Variants in RBL2 observed in about 807,000 individuals in gnomAD.
RBL2 encodes the protein RB transcriptional corepressor like 2.
Under a neutral mutation model 126.0 loss-of-function variants are expected in RBL2, and 56 were observed. That is an observed-to-expected ratio of 0.44 (90% confidence interval 0.36 to 0.56). The LOEUF is 0.56. Ranked by LOEUF, RBL2 falls within the 20% of genes least tolerant of loss-of-function variation. RBL2 has a pLI of 0.00. For synonymous variants in RBL2, 454 were observed against 478.5 expected, an observed-to-expected ratio of 0.95 and a Z score of 0.67; for missense variants, 1,229 against 1,398.2, an observed-to-expected ratio of 0.88 and a Z score of 1.93.
chr16:53,447,998 GTTATA>G (rs1192481950), intron 4 of RBL2, among the ~76,000 whole-genome samples: 1 of 152,126 alleles, frequency 6.6e-6, no homozygotes, highest in Non-Finnish European at 1.5e-5. Context: ...GGAAAGTGCA[GTTATA>G]TTATTATATA....
Position 53,461,732 on chromosome 16 carries a change from C to G in RBL2, c.1347-9C>G. ...TTTAAATTATGTTATTTCTCATTAC[C>G]TTTTTTAGGACATGTTCCAGAGATC... On this transcript the variant is annotated splice_polypyrimidine_tract_variant and intron_variant, in intron 9 of 21. Coordinates refer to ENST00000262133, the MANE Select transcript of RBL2 (RefSeq NM_005611.4). The G allele has an allele frequency of 6.4e-7, 1 of 1,558,096 alleles. No individual in the cohort carries two copies. Among genetic ancestry groups the G allele is most frequent in the Non-Finnish European group, 8.7e-7 (1 of 1,153,578 alleles).
rs746762623 is a variant in RBL2, at chr16:53,442,756, C to G, written c.470C>G (p.Thr157Ser). ...ERTERLERNF[T>S]VSAVIFKKYE... ...ACTGAGAGATTAGAAAGAAACTTCA[C>G]TGTTTCTGCTGTAATTTTTAAGAAA... Residue 157 changes from threonine (T) to serine (S), a missense_variant, in exon 3 of 22, where the codon ACT becomes AGT. Transcript: ENST00000262133. 2.2e-5 allele frequency: 36 copies of G among 1,612,128 alleles called. No homozygotes were observed. In the South Asian group the frequency reaches 3.4e-4, roughly 15 times the overall value.
At chr16:53,456,387 G>A (rs945410215) in intron 8 of RBL2, among the ~76,000 whole-genome samples, 6 of 152,108 alleles carry the variant, frequency 3.9e-5, no homozygotes, top group African/African-American at 1.4e-4. Flanking sequence ...GGTGGAAGTA[G>A]GGAGTTAAGA....
chr16:53,480,053 TGAA>T (rs1183664415), intron 19 of RBL2, 62 bp downstream of exon 19: 4 of 1,103,954 alleles, frequency 3.6e-6, no homozygotes, highest in African/African-American at 3.2e-5. Context: ...TTTTAGGCCT[TGAA>T]GAAGTAACTA....
rs146249549 is a variant in RBL2 at position 53,480,009 on chromosome 16, G to A, written c.2881+18G>A. On this transcript the variant is annotated intron_variant, in intron 19 of 21. Coordinates refer to ENST00000262133, the MANE Select transcript of RBL2 (RefSeq NM_005611.4). ...AGATAGAAGTAAGTGGGATCTTTGTGAACTACAAGACAAAATTAGGAGCTT... is the reference window on the plus strand; with the variant it reads ...AGATAGAAGTAAGTGGGATCTTTGTAAACTACAAGACAAAATTAGGAGCTT... 1 of 1,515,494 alleles carries A rather than the reference G, an allele frequency of 6.6e-7. No individual in the cohort carries two copies. Among genetic ancestry groups the A allele is most frequent in the Non-Finnish European group, 9.1e-7 (1 of 1,104,272 alleles). The allele number at this position is 1,515,494 out of a possible 1,614,324, so 93.9% of individuals were successfully genotyped here.
intron 8 of RBL2, among the ~76,000 whole-genome samples, chr16:53,458,496 AG>A (rs1825670429): frequency 6.6e-6 from 1 of 152,196 alleles, no homozygotes; most frequent in Admixed American, 6.5e-5. Context: ...AAGGTAGAGG[AG>A]GGGCAGGAAG....
chr16:53,438,230 A>G (rs1179678005), intron 1 of RBL2, among the ~76,000 whole-genome samples: 1 of 151,466 alleles, frequency 6.6e-6, no homozygotes, highest in Non-Finnish European at 1.5e-5. Context: ...GACTTGAGCA[A>G]CTAGGTACTG....
chr16:53,482,793 A>G lies in RBL2; in HGVS notation c.3249+958A>G, dbSNP rs566657587. On this transcript the variant is annotated intron_variant, in intron 21 of 21. Coordinates refer to ENST00000262133, the MANE Select transcript of RBL2 (RefSeq NM_005611.4). ...CCATTGCACTCCAGCCTGGGTGACAAAAGCGAAACTCACTGTCTCAAAAAA... is the reference window on the plus strand; with the variant it reads ...CCATTGCACTCCAGCCTGGGTGACAGAAGCGAAACTCACTGTCTCAAAAAA... Among the ~76,000 whole-genome samples, 101 of 149,646 alleles carry G rather than the reference A, an allele frequency of 6.7e-4. 2 individuals are homozygous for G. Among genetic ancestry groups the G allele is most frequent in the South Asian group, 1.1e-3 (5 of 4,650 alleles).
chr16:53,436,681 T>C (rs1398274235), intron 1 of RBL2, among the ~76,000 whole-genome samples: 1 of 152,222 alleles, frequency 6.6e-6, no homozygotes, highest in Non-Finnish European at 1.5e-5. Context: ...TCTTGTATTT[T>C]CTGTGCATTT....
Position 53,454,681 on chromosome 16 carries a change from G to A in RBL2, c.1018G>A (p.Glu340Lys), listed in dbSNP as rs777013689. 1.2e-6 allele frequency: 2 copies of A among 1,613,706 alleles called. No homozygotes were observed. The highest frequency in any genetic ancestry group is 3.3e-5 in the Admixed American group (2 of 60,016). The change falls in exon 8 of 22, where the codon GAG becomes AAG. Residue 340 changes from glutamate (E) to lysine (K), a missense_variant. Transcript: ENST00000262133. ...SFKAINKAYE[E>K]YVLSVGNLDE... is the part of the protein sequence containing the mutation. ...TAAAGCCATCAATAAGGCCTATGAG[G>A]AGTATGTTTTATCTGTTGGGAATTT...
chr16:53,491,589 ACTG>A lies in RBL2; in HGVS notation c.*1292_*1294del, dbSNP rs1410960741. The A allele has an allele frequency of 2.0e-5, 3 of 152,656 alleles. No individual in the cohort carries two copies. The highest frequency in any genetic ancestry group is 4.4e-5 in the Non-Finnish European group (3 of 68,036). 9.5% of individuals were successfully genotyped at this position (152,656 alleles called of 1,614,324 possible). A position where few individuals can be genotyped will look rare whatever the true frequency, so the allele number is the denominator to read the frequency against. On this transcript the variant is annotated 3_prime_UTR_variant, in exon 22 of 22. Coordinates refer to ENST00000262133, the MANE Select transcript of RBL2 (RefSeq NM_005611.4). Reference sequence around the variant, plus strand: ...AAATATTTATAAAACTTCTCAAGATACTGCTACTGTAATTTTATATGAAGATAA... The same window carrying A: ...AAATATTTATAAAACTTCTCAAGATACTACTGTAATTTTATATGAAGATAA...
intron 17 of RBL2, among the ~76,000 whole-genome samples, chr16:53,473,602 T>C (rs1960604485): frequency 6.6e-6 from 1 of 151,924 alleles, no homozygotes; most frequent in Admixed American, 6.6e-5. Flanking sequence ...AATCTGCTTA[T>C]AATTTTACTT....
Position 53,479,145 on chromosome 16 carries a change from G to A in RBL2, c.2704-9G>A. 1 of 1,610,336 alleles carries A rather than the reference G, an allele frequency of 6.2e-7. No homozygotes were observed. The highest frequency in any genetic ancestry group is 8.5e-7 in the Non-Finnish European group (1 of 1,176,718). On this transcript the variant is annotated splice_polypyrimidine_tract_variant and intron_variant, in intron 17 of 21. Coordinates refer to ENST00000262133, the MANE Select transcript of RBL2 (RefSeq NM_005611.4). ...CCATGTCTCTCAGAGCACTCTTATT[G>A]TTTGCCAGGTCACAAAAGAAGATAA...
At chr16:53,473,480 G>A (rs1297299844) in intron 17 of RBL2, among the ~76,000 whole-genome samples, 1 of 150,442 alleles carries the variant, frequency 6.6e-6, no homozygotes, top group Admixed American at 6.7e-5. Context: ...CATTGCAAGT[G>A]TATAGAAAAA....
At chr16:53,451,349 T>G (rs993789002) in intron 4 of RBL2, among the ~76,000 whole-genome samples, 6 of 151,874 alleles carry the variant, frequency 4.0e-5, no homozygotes, top group African/African-American at 1.5e-4. Flanking sequence ...CTAAAAAAAG[T>G]TTTTAAATTA....
At chr16:53,440,389 A>G (rs573329317) in intron 2 of RBL2, among the ~76,000 whole-genome samples, 1 of 152,202 alleles carries the variant, frequency 6.6e-6, no homozygotes, top group Non-Finnish European at 1.5e-5. Flanking sequence ...CCTGAGTTAC[A>G]TTGACCAAAG....
At chr16:53,468,185 T>C (rs773739290) in intron 14 of RBL2, among the ~76,000 whole-genome samples, 4 of 152,242 alleles carry the variant, frequency 2.6e-5, no homozygotes, top group Non-Finnish European at 5.9e-5. Flanking sequence ...TATTTCTAGA[T>C]CAGTTTTATA....
chr16:53,439,449 C>T (rs1241738114), intron 2 of RBL2, among the ~76,000 whole-genome samples: 1 of 152,050 alleles, frequency 6.6e-6, no homozygotes, highest in Admixed American at 6.6e-5. Context: ...TATTGAGAAA[C>T]TTTAGGAGAT....
Position 53,469,922 on chromosome 16 carries a change from C to T in RBL2, c.1982C>T (p.Thr661Ile), listed in dbSNP as rs1444159230. ...ADTGGLGRSI[T>I]SPTTLYDRYS... The stretch of plus-strand genomic sequence containing the variant: ...TGATTTGTTTTGACCCTAGGCATAA[C>T]ATCTCCAACCACATTATACGATAGG... The change falls in exon 15 of 22, where the codon ACA becomes ATA. Residue 661 changes from threonine (T) to isoleucine (I), a missense_variant. Around this residue, in one of 2 missense-constraint regions of RBL2, gnomAD observed 1,070 missense variants for 1,274.3 expected, o/e 0.84. Coordinates refer to ENST00000262133, the MANE Select transcript of RBL2 (RefSeq NM_005611.4). 1.9e-6 allele frequency: 3 copies of T among 1,557,238 alleles called. No individual in the cohort carries two copies. In the Admixed American group the frequency reaches 5.6e-5, roughly 29 times the overall value.
Sources: allele counts gnomAD v4.1 joint callset (sites outside exome capture counted in the v4.1 genomes callset), GRCh38; gene constraint gnomAD v4.1.1; regional missense constraint gnomAD v4.1.1; transcripts MANE v1.5; gene names NCBI Gene and HGNC (gene_info 2026-07-23, HGNC 2026-07-21).